Variants in ANO3 observed in about 807,000 individuals in gnomAD.
The protein encoded by ANO3 is anoctamin 3, also known as anoctamin-3.
Under a neutral mutation model 144.8 loss-of-function variants are expected in ANO3, and 99 were observed. That is an observed-to-expected ratio of 0.68 (90% CI 0.58 to 0.81). ANO3 has a LOEUF of 0.81. Among genes scored for constraint, ANO3 ranks in the 30% least tolerant of loss-of-function variants. ANO3 has a pLI of 0.00. For synonymous variants in ANO3, 414 were observed against 392.6 expected (o/e 1.05, Z -0.64); for missense variants, 905 against 1,202.2 (o/e 0.75, Z 3.66).
chr11:26,506,035 T>C (rs894940056), intron 4 of ANO3, among the ~76,000 whole-genome samples: 2 of 148,374 alleles, frequency 1.3e-5, no homozygotes, highest in African/African-American at 4.9e-5. Flanking sequence ...AATTGATAAC[T>C]GGATACAGCA....
chr11:26,329,005 G>T (rs979804340), upstream of ANO3, among the ~76,000 whole-genome samples: 1 of 151,292 alleles, frequency 6.6e-6, no homozygotes, highest in Non-Finnish European at 1.5e-5. Flanking sequence ...CATTAATCAT[G>T]CCCCCTCACT....
At chr11:26,309,529 A>C, upstream of ANO3, 15 of 316,598 alleles carry the variant, frequency 4.7e-5, no homozygotes, top group South Asian at 1.2e-4. Flanking sequence ...TAGTAGTTAT[A>C]CTGCAGCTAT....
rs111291967 is a variant in ANO3 at position 26,639,577 on chromosome 11, C to T, written c.2141+336C>T. ...GATTGTATATATAAAAATAATTTTC[C>T]GGGGTGTTTCTTTTGCTACCAGCAG... On this transcript the variant is annotated intron_variant, in intron 21 of 26. Coordinates refer to ENST00000256737, the MANE Select transcript of ANO3 (RefSeq NM_031418.4). 3.4e-3 allele frequency among the ~76,000 whole-genome samples: 513 copies of T among 152,016 alleles called. 7 individuals carry two copies. Among genetic ancestry groups the T allele is most frequent in the African/African-American group, 0.012 (493 of 41,472 alleles).
upstream of ANO3, among the ~76,000 whole-genome samples, chr11:26,330,281 A>G (rs1370456261): frequency 2.6e-5 from 4 of 152,198 alleles, no homozygotes; most frequent in Non-Finnish European, 5.9e-5. Context: ...AAAATTTAAA[A>G]AAAACATCCT....
intron 1 of ANO3, among the ~76,000 whole-genome samples, chr11:26,271,027 C>T (rs995996268): frequency 2.6e-5 from 4 of 152,138 alleles, no homozygotes; most frequent in African/African-American, 7.2e-5. Context: ...AAAAGAAAAG[C>T]TTGGACAGTT....
chr11:26,311,007 T>A (rs2133870490), intron 1 of ANO3, among the ~76,000 whole-genome samples: 1 of 152,166 alleles, frequency 6.6e-6, no homozygotes, highest in East Asian at 1.9e-4. Flanking sequence ...AATGGCTTTC[T>A]CATATTAAAT....
At chr11:26,478,430 T>C (rs1466697082) in intron 4 of ANO3, among the ~76,000 whole-genome samples, 2 of 151,988 alleles carry the variant, frequency 1.3e-5, no homozygotes, top group Non-Finnish European at 2.9e-5. Flanking sequence ...TTTTTCCTGT[T>C]TTATGCAAGC....
chr11:26,533,845 T>TA (rs1471048382), intron 8 of ANO3, among the ~76,000 whole-genome samples: 2 of 152,178 alleles, frequency 1.3e-5, no homozygotes, highest in African/African-American at 2.4e-5. Flanking sequence ...CTCACATAGA[T>TA]AGAGTAACTA....
intron 1 of ANO3, among the ~76,000 whole-genome samples, chr11:26,407,951 T>C (rs1206347858): frequency 6.6e-6 from 1 of 151,966 alleles, no homozygotes; most frequent in East Asian, 1.9e-4. Context: ...TCTGGTTAAT[T>C]CCTGTTTATT....
intron 10 of ANO3, among the ~76,000 whole-genome samples, chr11:26,539,150 AC>A (rs1849583625): frequency 1.3e-5 from 2 of 151,478 alleles, no homozygotes; most frequent in African/African-American, 4.9e-5. Flanking sequence ...ACACACACAC[AC>A]ACACACACAC....
intron 14 of ANO3, among the ~76,000 whole-genome samples, chr11:26,585,372 T>C (rs1436226815): frequency 6.6e-6 from 1 of 152,162 alleles, no homozygotes; most frequent in Non-Finnish European, 1.5e-5. Flanking sequence ...TCTGATTTGG[T>C]ATTTCATTCT....
chr11:26,630,636 C>T (rs1852746417), intron 18 of ANO3, among the ~76,000 whole-genome samples: 1 of 152,088 alleles, frequency 6.6e-6, no homozygotes. Context: ...ACTCTCTGCC[C>T]CTCATTGTTA....
intron 1 of ANO3, among the ~76,000 whole-genome samples, chr11:26,240,031 G>T (rs1852626289): frequency 6.6e-6 from 1 of 152,164 alleles, no homozygotes; most frequent in African/African-American, 2.4e-5. Flanking sequence ...GATCTCATTT[G>T]CTAGGGTTTA....
At chr11:26,616,865 T>A (rs1303105831) in intron 17 of ANO3, among the ~76,000 whole-genome samples, 2 of 152,158 alleles carry the variant, frequency 1.3e-5, no homozygotes, top group Non-Finnish European at 2.9e-5. Flanking sequence ...CTCTGCCTCC[T>A]GGGTTCAAGT....
chr11:26,455,256 T>C (rs12576890), intron 3 of ANO3, among the ~76,000 whole-genome samples: 128,506 of 147,624 alleles, frequency 0.87, 56,496 homozygotes, highest in East Asian at 1. Flanking sequence ...ATAAATGGTA[T>C]TCAATTAGGA....
chr11:26,243,052 A>C (rs1852695737), intron 1 of ANO3, among the ~76,000 whole-genome samples: 1 of 152,206 alleles, frequency 6.6e-6, no homozygotes, highest in African/African-American at 2.4e-5. Context: ...GGTAAGGAGC[A>C]GTAATCTCTT....
At chr11:26,293,661 A>G (rs1854019401) in intron 1 of ANO3, among the ~76,000 whole-genome samples, 1 of 150,466 alleles carries the variant, frequency 6.6e-6, no homozygotes, top group South Asian at 2.1e-4. Flanking sequence ...ATATATGGAG[A>G]CAGAATATTT....
At chr11:26,352,804 G>A (rs976108397) in intron 1 of ANO3, among the ~76,000 whole-genome samples, 1 of 152,102 alleles carries the variant, frequency 6.6e-6, no homozygotes, top group Non-Finnish European at 1.5e-5. Flanking sequence ...CCTTGCCTAT[G>A]CCTGATGGTT....
At chr11:26,505,011 CAAAAAAAAAAAA>C (rs61530995) in intron 4 of ANO3, among the ~76,000 whole-genome samples, 1 of 63,686 alleles carries the variant, frequency 1.6e-5, no homozygotes, top group East Asian at 5.2e-4. Context: ...GACTCCACCT[CAAAAAAAAAAAA>C]AAAAAAAAAA....
Sources: allele counts gnomAD v4.1 joint callset (sites outside exome capture counted in the v4.1 genomes callset), GRCh38; gene constraint gnomAD v4.1.1; transcripts MANE v1.5; gene names NCBI Gene and HGNC (gene_info 2026-07-23, HGNC 2026-07-21).